The following PLEKHA5 variants were observed in gnomAD, a reference collection of about 807,000 sequenced individuals.
PLEKHA5 encodes the protein pleckstrin homology domain-containing family A member 5.
PLEKHA5 carries 55 observed loss-of-function variants against 181.9 expected under a neutral mutation model. The observed-to-expected ratio is 0.30, with a 90% CI of 0.24 to 0.38. PLEKHA5 has a LOEUF of 0.38. Among genes scored for constraint, PLEKHA5 ranks in the 10% least tolerant of loss-of-function variants. PLEKHA5 has a pLI of 1.00. For synonymous variants in PLEKHA5, 535 were observed against 529.4 expected (o/e 1.01, Z -0.15); for missense variants, 1,432 against 1,549.5 (o/e 0.92, Z 1.27).
chr12:19,335,713 C>T (rs1375854127), intron 20 of PLEKHA5, among the ~76,000 whole-genome samples: 1 of 151,684 alleles, frequency 6.6e-6, no homozygotes, highest in Non-Finnish European at 1.5e-5. Flanking sequence ...CTCACTGCAA[C>T]CTCTGCTTCC....
Position 19,314,794 on chromosome 12 carries a change from C to T in PLEKHA5, c.2038-20C>T, listed in dbSNP as rs762100209. 2 of 1,361,336 alleles carry T rather than the reference C, an allele frequency of 1.5e-6. No homozygotes were observed. Among genetic ancestry groups the T allele is most frequent in the Non-Finnish European group, 2.1e-6 (2 of 973,562 alleles). 84.3% of individuals were successfully genotyped at this position (1,361,336 alleles called of 1,614,324 possible). On this transcript the variant is annotated intron_variant, in intron 15 of 31. Coordinates refer to ENST00000429027, the MANE Select transcript of PLEKHA5 (RefSeq NM_001256470.2). ...GCTGTAAACTGATGTTTGCTGTATG[C>T]TCCTCCTGATTTGAAATAGATGAAA... is the stretch of plus-strand genomic sequence containing the variant.
intron 11 of PLEKHA5, among the ~76,000 whole-genome samples, chr12:19,276,244 T>C (rs1402949712): frequency 1.3e-5 from 2 of 152,036 alleles, no homozygotes; most frequent in Admixed American, 6.6e-5. Context: ...GAGATTCAGA[T>C]TGGTGTCTCA....
At chr12:19,367,194 C>G (rs1167188096) in intron 30 of PLEKHA5, among the ~76,000 whole-genome samples, 4 of 143,936 alleles carry the variant, frequency 2.8e-5, no homozygotes, top group African/African-American at 1.0e-4. Flanking sequence ...CCCTTTTACT[C>G]TTTTTCTTTA....
At chr12:19,281,226 C>CAAAAAAA (rs199800119) in intron 11 of PLEKHA5, among the ~76,000 whole-genome samples, 1 of 96,506 alleles carries the variant, frequency 1.0e-5, no homozygotes, top group Non-Finnish European at 2.2e-5. Context: ...GAATCCATCT[C>CAAAAAAA]AAAAAAAAAA....
At chr12:19,330,809 C>A (rs1331055718) in intron 20 of PLEKHA5, among the ~76,000 whole-genome samples, 1 of 151,910 alleles carries the variant, frequency 6.6e-6, no homozygotes, top group African/African-American at 2.4e-5. Flanking sequence ...TCGAAATATA[C>A]CAGTAAAATT....
intron 3 of PLEKHA5, among the ~76,000 whole-genome samples, chr12:19,248,461 G>A (rs1388598300): frequency 6.6e-6 from 1 of 152,104 alleles, no homozygotes; most frequent in African/African-American, 2.4e-5. Context: ...GCCTCCCAAA[G>A]TGCTGGGATT....
chr12:19,147,431 T>G (rs1479733804), intron 3 of PLEKHA5, among the ~76,000 whole-genome samples: 1 of 152,088 alleles, frequency 6.6e-6, no homozygotes, highest in Non-Finnish European at 1.5e-5. Flanking sequence ...GAATTCAAGG[T>G]GTTGTAACGT....
At chr12:19,249,562 T>C (rs760200808) in intron 3 of PLEKHA5, among the ~76,000 whole-genome samples, 6 of 152,186 alleles carry the variant, frequency 3.9e-5, no homozygotes, top group Non-Finnish European at 7.3e-5. Context: ...ACTGAAACCA[T>C]AGAAAGCAAA....
chr12:19,293,752 T>C (rs2079057754), intron 15 of PLEKHA5, among the ~76,000 whole-genome samples: 1 of 152,158 alleles, frequency 6.6e-6, no homozygotes, highest in Non-Finnish European at 1.5e-5. Flanking sequence ...CAGGTAAATA[T>C]ATCAAAAACA....
intron 21 of PLEKHA5, among the ~76,000 whole-genome samples, chr12:19,337,613 G>A (rs1381986420): frequency 6.7e-6 from 1 of 149,500 alleles, no homozygotes; most frequent in South Asian, 2.1e-4. Context: ...GAGGAACGCA[G>A]ATAATACATG....
At chr12:19,306,817 C>G in intron 15 of PLEKHA5, 1 of 818,404 alleles carries the variant, frequency 1.2e-6, no homozygotes, top group Non-Finnish European at 2.2e-6. Flanking sequence ...CCATGTCTGA[C>G]AAACACTGTA....
chr12:19,169,276 A>G (rs982893104), intron 3 of PLEKHA5, among the ~76,000 whole-genome samples: 4 of 151,704 alleles, frequency 2.6e-5, no homozygotes, highest in African/African-American at 9.7e-5. Context: ...AAAAAAAAAA[A>G]AGAGGGTTGT....
intron 11 of PLEKHA5, among the ~76,000 whole-genome samples, chr12:19,281,169 C>T (rs923305686): frequency 2.7e-5 from 4 of 149,812 alleles, no homozygotes; most frequent in Non-Finnish European, 5.9e-5. Context: ...TCAGGAGGAC[C>T]GGGCTGCAGT....
rs2095058282 is a variant in PLEKHA5 at position 19,358,294 on chromosome 12, G to A, written c.3205G>A (p.Glu1069Lys). 1 of 1,614,018 alleles carries A rather than the reference G, an allele frequency of 6.2e-7. No homozygotes were observed. The highest frequency in any genetic ancestry group is 1.3e-5 in the African/African-American group (1 of 75,036). The change falls in exon 27 of 32, where the codon GAA becomes AAA. Residue 1069 changes from glutamate (E) to lysine (K), a missense_variant. Transcript: ENST00000429027. ...AESTRPRMTVEEQMERIRRHQ... is the reference protein window; with the variant it reads ...AESTRPRMTVKEQMERIRRHQ... The stretch of plus-strand genomic sequence containing the variant: ...AAGTACTCGACCAAGGATGACTGTG[G>A]AAGAGCAAATGGAAAGAATAAGAAG...
rs145799208 is a variant in PLEKHA5 at position 19,242,258 on chromosome 12, A to T, written c.228-11682A>T. ...GTTTTTTTTTGTTTTTTTTGTTTTG[A>T]GACAGAGTCTCACTCTGTCATCCAG... On this transcript the variant is annotated intron_variant, in intron 3 of 31. Transcript: ENST00000429027. Among the ~76,000 whole-genome samples, 507 of 146,998 alleles carry T rather than the reference A, an allele frequency of 3.4e-3. 1 individual carries two copies. Among genetic ancestry groups the T allele is most frequent in the Middle Eastern group, 7.2e-3 (2 of 276 alleles).
At chr12:19,353,546 G>T (rs1032042665) in intron 25 of PLEKHA5, among the ~76,000 whole-genome samples, 9 of 151,502 alleles carry the variant, frequency 5.9e-5, no homozygotes, top group Non-Finnish European at 1.3e-4. Flanking sequence ...TGCAACCTCT[G>T]ACTGCTGGGT....
At chr12:19,275,084 T>A (rs764631337) in intron 11 of PLEKHA5, 101 bp downstream of exon 11, 25 of 708,304 alleles carry the variant, frequency 3.5e-5, no homozygotes, top group Non-Finnish European at 5.4e-5. Flanking sequence ...TTAAATTGTG[T>A]TTTAGCTGTT....
chr12:19,348,567 C>CA, intron 25 of PLEKHA5, 48 bp downstream of exon 25: 1 of 1,416,808 alleles, frequency 7.1e-7, no homozygotes, highest in Non-Finnish European at 9.4e-7. Flanking sequence ...TTTTTGAAGA[C>CA]AATTTACTGC....
chr12:19,229,871 A>G (rs1019034167), intron 3 of PLEKHA5, among the ~76,000 whole-genome samples: 2 of 152,170 alleles, frequency 1.3e-5, no homozygotes, highest in African/African-American at 2.4e-5. Flanking sequence ...AGCTAGACAC[A>G]AAAGTTCTCT....
Sources: allele counts gnomAD v4.1 joint callset (sites outside exome capture counted in the v4.1 genomes callset), GRCh38; gene constraint gnomAD v4.1.1; transcripts MANE v1.5; gene names NCBI Gene and HGNC (gene_info 2026-07-23, HGNC 2026-07-21).